SLX9: variants seen among roughly 807,000 people sequenced by gnomAD.
SLX9 encodes the protein SLX9 ribosome biogenesis factor, also known as ribosome biogenesis protein SLX9 homolog.
SLX9 carries 19 observed loss-of-function variants against 20.8 expected under a neutral mutation model. The observed-to-expected ratio is 0.91, with a 90% CI of 0.64 to 1.34. SLX9 has a LOEUF of 1.34. SLX9 is among the 40% of genes most tolerant of loss of function. The pLI, the probability that SLX9 is intolerant of heterozygous loss-of-function variation, is 0.00. For synonymous variants in SLX9, 113 were observed against 137.1 expected, an observed-to-expected ratio of 0.82 and a Z score of 1.23; for missense variants, 299 against 322.2, an observed-to-expected ratio of 0.93 and a Z score of 0.55.
chr21:44,943,011 T>C (rs1405631123), intron 1 of SLX9, among the ~76,000 whole-genome samples: 1 of 152,120 alleles, frequency 6.6e-6, no homozygotes, highest in East Asian at 1.9e-4. Flanking sequence ...ATTAGTGACA[T>C]GTTTTGGGGT....
At chr21:44,940,543 A>G (rs1219494436) in intron 1 of SLX9, among the ~76,000 whole-genome samples, 1 of 152,182 alleles carries the variant, frequency 6.6e-6, no homozygotes, top group Admixed American at 6.5e-5. Context: ...GAGCAAACTG[A>G]AGAGAGACCC....
At chr21:44,952,044 G>A (rs1248430732) in intron 2 of SLX9, among the ~76,000 whole-genome samples, 1 of 147,540 alleles carries the variant, frequency 6.8e-6, no homozygotes, top group Non-Finnish European at 1.5e-5. Flanking sequence ...AGCCTTCATC[G>A]GATTAAAGTC....
chr21:44,959,166 G>A (rs2084910479), intron 2 of SLX9: 1 of 979,870 alleles, frequency 1.0e-6, no homozygotes, highest in Non-Finnish European at 1.2e-6. Context: ...CTGAAATGCA[G>A]AGCGCAGCGA....
intron 3 of SLX9, among the ~76,000 whole-genome samples, chr21:44,962,003 C>T (rs1267135721): frequency 6.6e-6 from 1 of 152,174 alleles, no homozygotes; most frequent in Non-Finnish European, 1.5e-5. Context: ...CTGTACCCAC[C>T]ACACAGATTT....
chr21:44,958,980 CA>C (rs1321024317), intron 2 of SLX9, among the ~76,000 whole-genome samples: 42 of 152,222 alleles, frequency 2.8e-4, no homozygotes. Flanking sequence ...GAAACAATTT[CA>C]AAACTACAGA....
intron 4 of SLX9, among the ~76,000 whole-genome samples, chr21:44,970,269 G>A (rs372503404): frequency 1.3e-5 from 2 of 152,240 alleles, no homozygotes; most frequent in East Asian, 1.9e-4. Context: ...CTCATGCGCC[G>A]GTGTTGGTCT....
chr21:44,972,155 C>CCT (rs946317556), intron 4 of SLX9, among the ~76,000 whole-genome samples: 47 of 152,266 alleles, frequency 3.1e-4, no homozygotes, highest in African/African-American at 1.1e-3. Flanking sequence ...CTCTGCGTCT[C>CCT]TGCCTTCCCG....
At position 44,973,235 on chromosome 21, in the gene SLX9, G is replaced by A. The variant is rs375909925; in HGVS notation, c.539G>A (p.Arg180Gln). The A allele has an allele frequency of 2.7e-5, 43 of 1,612,814 alleles. No homozygotes were observed. The highest frequency in any genetic ancestry group is 1.5e-4 in the African/African-American group (11 of 74,890). The change falls in exon 5 of 6, where the codon CGG becomes CAG. Residue 180 changes from arginine to glutamine, a missense_variant. Coordinates refer to ENST00000291634, the MANE Select transcript of SLX9 (RefSeq NM_058190.4). ...AAGCCCCGGCCCTCAGAGCTCAGCC[G>A]GATGAGCGCAGCCCAGAGACAGCAG... Reference protein sequence around the residue: ...SNKPRPSELSRMSAAQRQQLL... With the variant: ...SNKPRPSELSQMSAAQRQQLL...
At chr21:44,970,099 A>C (rs2210287) in intron 4 of SLX9, among the ~76,000 whole-genome samples, 9 of 152,176 alleles carry the variant, frequency 5.9e-5, no homozygotes, top group African/African-American at 9.7e-5. Flanking sequence ...CTGGGTTGAG[A>C]CCCCCCCTCC....
chr21:44,954,266 G>A (rs944996482), intron 2 of SLX9, among the ~76,000 whole-genome samples: 29 of 152,308 alleles, frequency 1.9e-4, no homozygotes, highest in African/African-American at 6.0e-4. Flanking sequence ...TGGACTCTGC[G>A]TCTTCTGGCC....
intron 2 of SLX9, among the ~76,000 whole-genome samples, chr21:44,956,649 G>A (rs981641073): frequency 2.0e-5 from 3 of 152,370 alleles, no homozygotes; most frequent in Non-Finnish European, 1.5e-5. Flanking sequence ...AGATCTTTGT[G>A]GAGTGAGAAT....
At chr21:44,959,378 A>G (rs1309137630) in intron 2 of SLX9, 2 of 471,598 alleles carry the variant, frequency 4.2e-6, no homozygotes, top group Non-Finnish European at 5.5e-6. Flanking sequence ...ACTCTGTTTC[A>G]GAGCAAACTG....
At chr21:44,946,412 C>T (rs1032184009) in intron 2 of SLX9, among the ~76,000 whole-genome samples, 5 of 150,196 alleles carry the variant, frequency 3.3e-5, no homozygotes, top group African/African-American at 1.3e-4. Flanking sequence ...TCCCATAGCC[C>T]GCCTTGAGGG....
chr21:44,972,923 C>G, intron 4 of SLX9: 1 of 40,692 alleles, frequency 2.5e-5, no homozygotes, highest in Non-Finnish European at 4.2e-5. Context: ...TCACCAGATT[C>G]CACACGGAGC....
chr21:44,974,821 T>C (rs899927123), intron 5 of SLX9, among the ~76,000 whole-genome samples: 8 of 152,338 alleles, frequency 5.3e-5, no homozygotes, highest in Middle Eastern at 6.8e-3. Context: ...CCTCTCCGTG[T>C]GGCCATCGTC....
intron 4 of SLX9, among the ~76,000 whole-genome samples, chr21:44,967,779 C>A (rs1247976299): frequency 6.6e-6 from 1 of 152,208 alleles, no homozygotes; most frequent in Admixed American, 6.5e-5. Flanking sequence ...GGACACACAT[C>A]CCAGAGCTTG....
rs139062297 is a variant in SLX9, at chr21:44,947,442, G to A, written c.283+3605G>A. ...GGTCTAGGCTGTGGCCCATCACCTGGTGGACACCCGTGTGCCCATCTGCAC... is the reference window on the plus strand; with the variant it reads ...GGTCTAGGCTGTGGCCCATCACCTGATGGACACCCGTGTGCCCATCTGCAC... On this transcript the variant is annotated intron_variant, in intron 2 of 5. Transcript: ENST00000291634. Among the ~76,000 whole-genome samples, 811 of 152,306 alleles carry A rather than the reference G, an allele frequency of 5.3e-3. 26 individuals are homozygous for A. The highest frequency in any genetic ancestry group is 0.046 in the Admixed American group (707 of 15,302).
Position 44,967,159 on chromosome 21 carries a change from G to C in SLX9, c.478G>C (p.Gly160Arg). Residue 160 changes from glycine to arginine, a missense_variant, in exon 4 of 6, where the codon GGC becomes CGC. Gly to Arg is a moderately radical substitution (Grantham distance 125). Coordinates refer to ENST00000291634, the MANE Select transcript of SLX9 (RefSeq NM_058190.4). Reference protein sequence around the residue: ...ALPELLGLEAGSRRQARSRES... With the variant: ...ALPELLGLEARSRRQARSRES... ...GCCCGAGCTGCTGGGGCTCGAGGCTGGCAGCCGGCGCCAAGCCCGCAGGTG... is the reference window on the plus strand; with the variant it reads ...GCCCGAGCTGCTGGGGCTCGAGGCTCGCAGCCGGCGCCAAGCCCGCAGGTG... The C allele has an allele frequency of 6.3e-7, 1 of 1,591,904 alleles. No individual in the cohort carries two copies. Among genetic ancestry groups the C allele is most frequent in the Non-Finnish European group, 8.5e-7 (1 of 1,169,758 alleles).
chr21:44,972,811 G>A (rs538795192), intron 4 of SLX9, among the ~76,000 whole-genome samples: 1 of 152,312 alleles, frequency 6.6e-6, no homozygotes, highest in African/African-American at 2.4e-5. Flanking sequence ...TGCGCAGCCT[G>A]CCCTGGCCAG....
Sources: allele counts gnomAD v4.1 joint callset (sites outside exome capture counted in the v4.1 genomes callset), GRCh38; gene constraint gnomAD v4.1.1; transcripts MANE v1.5; gene names NCBI Gene and HGNC (gene_info 2026-07-23, HGNC 2026-07-21).